The following HMBOX1 variants were observed in gnomAD, a reference collection of about 807,000 sequenced individuals.
HMBOX1 encodes homeobox-containing protein 1.
A neutral mutation model predicts 54.5 loss-of-function variants in HMBOX1; 14 were observed. The observed-to-expected ratio is 0.26, with a 90% CI of 0.17 to 0.40. The LOEUF is 0.40. Ranked by LOEUF, HMBOX1 falls within the 10% of genes least tolerant of loss-of-function variation. The pLI, the probability that HMBOX1 is intolerant of heterozygous loss-of-function variation, is 1.00. For synonymous variants in HMBOX1, 160 were observed against 181.0 expected (o/e 0.88, Z 0.93); for missense variants, 332 against 514.4 (o/e 0.65, Z 3.43).
intron 4 of HMBOX1, 41 bp downstream of exon 4, chr8:28,980,197 T>G: frequency 7.3e-7 from 1 of 1,378,720 alleles, no homozygotes; most frequent in Non-Finnish European, 1.0e-6. Context: ...TCATGTGTAG[T>G]CTCTGCCTTC....
intron 1 of HMBOX1, among the ~76,000 whole-genome samples, chr8:28,923,620 A>G (rs1019489243): frequency 1.2e-4 from 19 of 152,318 alleles, no homozygotes; most frequent in African/African-American, 4.6e-4. Context: ...GCTTTAAAGT[A>G]CACCAGAAGT....
intron 2 of HMBOX1, 62 bp from the exon 3 acceptor site, chr8:28,969,981 A>T: frequency 2.0e-6 from 2 of 998,692 alleles, no homozygotes; most frequent in Non-Finnish European, 3.1e-6. Flanking sequence ...AGCATTCTGT[A>T]TAATATGTGC....
chr8:29,026,281 A>G (rs1802020073), intron 6 of HMBOX1, among the ~76,000 whole-genome samples: 1 of 152,214 alleles, frequency 6.6e-6, no homozygotes, highest in African/African-American at 2.4e-5. Flanking sequence ...GTGTGATTCC[A>G]TTTATATGAA....
At chr8:28,985,897 A>G (rs1383319807) in intron 4 of HMBOX1, among the ~76,000 whole-genome samples, 1 of 151,798 alleles carries the variant, frequency 6.6e-6, no homozygotes, top group South Asian at 2.1e-4. Context: ...CCAGCCCCAG[A>G]GTGGTACCTT....
intron 7 of HMBOX1, among the ~76,000 whole-genome samples, chr8:29,046,770 C>G (rs1805621270): frequency 6.6e-6 from 1 of 152,130 alleles, no homozygotes; most frequent in Non-Finnish European, 1.5e-5. Context: ...CGCCTGAGCC[C>G]AGGAGTTGGA....
intron 1 of HMBOX1, among the ~76,000 whole-genome samples, chr8:28,937,937 A>G (rs548195989): frequency 6.6e-6 from 1 of 152,284 alleles, no homozygotes; most frequent in Non-Finnish European, 1.5e-5. Flanking sequence ...ATTAGGTGTC[A>G]TCACAGATCC....
chr8:28,980,268 G>A, intron 4 of HMBOX1, 112 bp downstream of exon 4: 2 of 801,070 alleles, frequency 2.5e-6, no homozygotes, highest in African/African-American at 1.7e-5. Flanking sequence ...TGTCAACTTA[G>A]GCATAATTAT....
At chr8:28,897,673 C>T (rs1309509939) in intron 1 of HMBOX1, among the ~76,000 whole-genome samples, 1 of 152,176 alleles carries the variant, frequency 6.6e-6, no homozygotes, top group Admixed American at 6.5e-5. Flanking sequence ...GAGACTCTAT[C>T]TCAAACAAAC....
chr8:28,990,400 G>A (rs1830810312), intron 4 of HMBOX1, among the ~76,000 whole-genome samples: 2 of 152,072 alleles, frequency 1.3e-5, no homozygotes, highest in Non-Finnish European at 2.9e-5. Flanking sequence ...GATAGATGTT[G>A]TATTTTATCA....
chr8:29,050,370 C>T, intron 9 of HMBOX1: 1 of 271,460 alleles, frequency 3.7e-6, no homozygotes, highest in African/African-American at 2.3e-5. Context: ...GGGAGGACAG[C>T]TTCACACTAG....
At position 28,970,666 on chromosome 8, in the gene HMBOX1, G is replaced by C; in HGVS notation, c.500+147G>C. 1 of 543,878 alleles carries C rather than the reference G, an allele frequency of 1.8e-6. No homozygotes were observed. The allele number at this position is 543,878 out of a possible 1,614,324, so 33.7% of individuals were successfully genotyped here. A position where few individuals can be genotyped will look rare whatever the true frequency, so the allele number is the denominator to read the frequency against. On this transcript the variant is annotated intron_variant, in intron 3 of 9. Transcript: ENST00000287701. This position sits in a 1 kb window ranked among gnomAD's most constrained non-coding sequence, Gnocchi z 4.3. ...CTGTAACTTCCTCCTCCCACCTTTG[G>C]AGATGAAAGAAAGAAAGTTCAAGCT...
chr8:29,045,653 G>A (rs1805466674), intron 7 of HMBOX1, among the ~76,000 whole-genome samples: 1 of 152,182 alleles, frequency 6.6e-6, no homozygotes, highest in Non-Finnish European at 1.5e-5. Flanking sequence ...GCTCACATAG[G>A]AGAGTTTTCA....
At chr8:28,941,623 G>A (rs1008742364) in intron 1 of HMBOX1, among the ~76,000 whole-genome samples, 1 of 152,180 alleles carries the variant, frequency 6.6e-6, no homozygotes, top group African/African-American at 2.4e-5. Flanking sequence ...ATAACTAAGT[G>A]TGTTGGTTCC....
intron 1 of HMBOX1, among the ~76,000 whole-genome samples, chr8:28,924,045 T>G (rs1373807711): frequency 6.6e-6 from 1 of 152,126 alleles, no homozygotes; most frequent in Non-Finnish European, 1.5e-5. Flanking sequence ...TGCAAATATA[T>G]TTTCCGATTA....
At chr8:28,999,202 A>G (rs1388627491) in intron 4 of HMBOX1, among the ~76,000 whole-genome samples, 5 of 152,108 alleles carry the variant, frequency 3.3e-5, no homozygotes, top group Non-Finnish European at 7.4e-5. Flanking sequence ...AATTTTACTC[A>G]TCTGAAAATG....
chr8:29,002,177 C>G (rs1832763211), intron 4 of HMBOX1, among the ~76,000 whole-genome samples: 1 of 152,180 alleles, frequency 6.6e-6, no homozygotes, highest in Admixed American at 6.5e-5. Context: ...TCCAAGATGA[C>G]TCACTTGCAT....
intron 4 of HMBOX1, among the ~76,000 whole-genome samples, chr8:28,993,105 A>G (rs951282963): frequency 5.3e-5 from 8 of 151,778 alleles, no homozygotes; most frequent in African/African-American, 1.9e-4. Context: ...TATTATCACT[A>G]TTTTCAGAAA....
chr8:29,014,335 A>T lies in HMBOX1; in HGVS notation c.698-4425A>T, dbSNP rs547917685. On this transcript the variant is annotated intron_variant, in intron 5 of 9. Coordinates refer to ENST00000287701, the MANE Select transcript of HMBOX1 (RefSeq NM_001135726.3). Reference sequence around the variant, plus strand: ...CTGTTAGGACCTTAGCCAACCCAGAATTCCTGTATTTTACTTCAGAGGAGT... The same window carrying T: ...CTGTTAGGACCTTAGCCAACCCAGATTTCCTGTATTTTACTTCAGAGGAGT... 2.6e-5 allele frequency among the ~76,000 whole-genome samples: 4 copies of T among 152,276 alleles called. No individual in the cohort carries two copies. The East Asian group carries it at 7.7e-4, about 29-fold the overall frequency.
intron 4 of HMBOX1, among the ~76,000 whole-genome samples, chr8:29,005,609 C>G (rs1381479432): frequency 1.3e-5 from 2 of 152,004 alleles, no homozygotes; most frequent in African/African-American, 4.8e-5. Flanking sequence ...AGAAAACTGT[C>G]CAGCTTAATG....
Sources: allele counts gnomAD v4.1 joint callset (sites outside exome capture counted in the v4.1 genomes callset), GRCh38; gene constraint gnomAD v4.1.1; non-coding constraint Gnocchi (gnomAD v3.1); transcripts MANE v1.5; gene names NCBI Gene and HGNC (gene_info 2026-07-23, HGNC 2026-07-21).